Variants in OGG1 observed in about 807,000 individuals in gnomAD.
OGG1 encodes 8-oxoguanine DNA glycosylase, also known as N-glycosylase/DNA lyase.
In OGG1, 35 loss-of-function variants were observed where a neutral mutation model predicts 42.3. That is an observed-to-expected ratio of 0.83 (90% CI 0.63 to 1.10). The LOEUF is 1.10. Among genes scored for constraint, OGG1 ranks in the 50% least tolerant of loss-of-function variants. OGG1 has a pLI of 0.00. For synonymous variants in OGG1, 189 were observed against 179.0 expected (o/e 1.06, Z -0.44); for missense variants, 484 against 446.7 (o/e 1.08, Z -0.75).
intron 2 of OGG1, chr3:9,779,863 T>C (rs2078419965): frequency 6.6e-6 from 1 of 152,282 alleles, no homozygotes; most frequent in South Asian, 2.1e-4. Flanking sequence ...ATGCCATGGG[T>C]TAGTGGCCAT....
intron 2 of OGG1, among the ~76,000 whole-genome samples, chr3:9,775,689 G>C (rs557571529): frequency 6.7e-6 from 1 of 149,756 alleles, no homozygotes; most frequent in East Asian, 2.0e-4. Flanking sequence ...GCCCAGGCTT[G>C]AGTGCAGTGG....
chr3:9,764,615 TTG>T lies in OGG1; in HGVS notation c.1049-1192_1049-1191del, dbSNP rs1386317085. 3.5e-5 allele frequency among the ~76,000 whole-genome samples: 4 copies of T among 112,924 alleles called. No homozygotes were observed. The South Asian group carries it at 9.5e-4, about 27-fold the overall frequency. 74.1% of individuals were successfully genotyped at this position (112,924 alleles called of 152,430 possible). On this transcript the variant is annotated intron_variant, in intron 7 of 7. Transcript: ENST00000302008. The stretch of plus-strand genomic sequence containing the variant: ...GCGTGAGCCACTGCGCCTGGCGTTT[TTG>T]TTTTTTTTTTGTTTTTTTTTTTTTT...
intron 2 of OGG1, among the ~76,000 whole-genome samples, chr3:9,776,972 C>A (rs944002821): frequency 2.6e-5 from 4 of 152,118 alleles, no homozygotes; most frequent in African/African-American, 9.7e-5. Context: ...GAGCCCCAGG[C>A]CAAGAAATAA....
At position 9,754,644 on chromosome 3, in the gene OGG1, C is replaced by T. The variant is rs1251437298; in HGVS notation, c.566-60C>T. ...GTGAGGTAGAGAGCTCACTTACTAG[C>T]CTAAGGACAGGAAGAACTTGAAGAT... On this transcript the variant is annotated intron_variant, in intron 3 of 6. Transcript: ENST00000344629. The T allele has an allele frequency of 5.1e-6, 8 of 1,578,588 alleles. No individual in the cohort carries two copies. The African/African-American group carries it at 6.7e-5, about 13-fold the overall frequency.
At chr3:9,760,489 G>C, downstream of OGG1, 1 of 616,700 alleles carries the variant, frequency 1.6e-6, no homozygotes. Context: ...GCAGAAGGAA[G>C]TACCCAAGCA....
chr3:9,757,619 G>C (rs777325548), downstream of OGG1: 65 of 1,614,074 alleles, frequency 4.0e-5, no homozygotes, highest in Non-Finnish European at 5.4e-5. The surrounding 1 kb of genome is among the most constrained non-coding windows in gnomAD (Gnocchi z 4.5). Context: ...CCAGCTGCCG[G>C]CCCTGCATGG....
intron 2 of OGG1, chr3:9,780,603 C>T: frequency 1.6e-5 from 24 of 1,536,752 alleles, no homozygotes; most frequent in Non-Finnish European, 2.0e-5. Flanking sequence ...AGAGAACAAC[C>T]CCTCCCTCTT....
downstream of OGG1, among the ~76,000 whole-genome samples, chr3:9,770,800 G>A (rs1371124149): frequency 2.0e-5 from 3 of 151,748 alleles, no homozygotes; most frequent in Admixed American, 6.6e-5. Context: ...AAGAGGGGGC[G>A]GGGGGAGCAA....
chr3:9,779,649 T>C (rs1285321055), intron 2 of OGG1, among the ~76,000 whole-genome samples: 1 of 151,706 alleles, frequency 6.6e-6, no homozygotes, highest in African/African-American at 2.4e-5. Flanking sequence ...AGAACTTAAA[T>C]TAAAAAAAAA....
chr3:9,761,733 G>A (rs1238212250), downstream of OGG1: 1 of 1,614,086 alleles, frequency 6.2e-7, no homozygotes, highest in Non-Finnish European at 8.5e-7. Flanking sequence ...TCTTCATCCA[G>A]GCTGTAGTAC....
chr3:9,750,760 G>A (rs2077264152), intron 1 of OGG1, 185 bp from the exon 2 acceptor site: 1 of 796,500 alleles, frequency 1.3e-6, no homozygotes, highest in Non-Finnish European at 2.0e-6. Flanking sequence ...CTACAGGTGT[G>A]CGCCATGCCC....
intron 2 of OGG1, among the ~76,000 whole-genome samples, chr3:9,771,842 A>T (rs2078305598): frequency 9.1e-6 from 1 of 109,644 alleles, no homozygotes. Flanking sequence ...TTTTTGAGAC[A>T]GTCTCCCTCT....
intron 1 of OGG1, 180 bp downstream of exon 1, chr3:9,750,603 A>C: frequency 1.2e-6 from 1 of 854,426 alleles, no homozygotes; most frequent in Non-Finnish European, 1.9e-6. Flanking sequence ...GATAATTGTA[A>C]GGATCCAGCG....
downstream of OGG1, chr3:9,789,399 T>G: frequency 1.0e-6 from 1 of 974,788 alleles, no homozygotes; most frequent in African/African-American, 1.6e-5. Flanking sequence ...GACAGCAGAC[T>G]GGGCAGGGTT....
chr3:9,783,835 C>T, intron 3 of OGG1: 1 of 1,022,086 alleles, frequency 9.8e-7, no homozygotes, highest in South Asian at 2.1e-5. Context: ...ATGCCTGAGC[C>T]CCACTCTGTG....
At chr3:9,755,696 G>A (rs755090873) in intron 4 of OGG1, among the ~76,000 whole-genome samples, 1 of 151,894 alleles carries the variant, frequency 6.6e-6, no homozygotes, top group Non-Finnish European at 1.5e-5. Context: ...ATCTGACCTC[G>A]AGATCCACCT....
At position 9,749,981 on chromosome 3, in the gene OGG1, C is replaced by T; in HGVS notation, c.-306C>T. 1 of 427,356 alleles carries T rather than the reference C, an allele frequency of 2.3e-6. No individual in the cohort carries two copies. The highest frequency in any genetic ancestry group is 4.3e-6 in the Non-Finnish European group (1 of 234,386). The allele number at this position is 427,356 out of a possible 1,614,324, so 26.5% of individuals were successfully genotyped here. ...GTGCTGTGGTCTGCCCCTGGAGAACCCAGAAGAACACAGCTGTGCGCGCCC... is the reference window on the plus strand; with the variant it reads ...GTGCTGTGGTCTGCCCCTGGAGAACTCAGAAGAACACAGCTGTGCGCGCCC... On this transcript the variant is annotated 5_prime_UTR_variant, in exon 1 of 7. Transcript: ENST00000344629.
At chr3:9,788,173 C>T (rs1220029980) in exon 4 of OGG1, 1 of 154,950 alleles carries the variant, frequency 6.5e-6, no homozygotes, top group Non-Finnish European at 1.4e-5. Flanking sequence ...TCTCCCTCAA[C>T]ATTTTTCTGT....
At chr3:9,790,736 C>G (rs2078709337), downstream of OGG1, among the ~76,000 whole-genome samples, 1 of 152,200 alleles carries the variant, frequency 6.6e-6, no homozygotes, top group East Asian at 1.9e-4. Context: ...CACAAAAGCA[C>G]TAAGGTAGGT....
Sources: gnomAD v4.1 joint callset for allele counts (sites outside exome capture counted in the v4.1 genomes callset) on GRCh38, gnomAD v4.1.1 for gene constraint, Gnocchi (gnomAD v3.1) non-coding constraint, MANE v1.5 for transcripts, NCBI Gene and HGNC (gene_info 2026-07-23, HGNC 2026-07-21) for gene names.